Variants in ELFN2 observed in about 807,000 individuals in gnomAD.
ELFN2 encodes the protein extracellular leucine rich repeat and fibronectin type III domain containing 2.
Under a neutral mutation model 45.5 loss-of-function variants are expected in ELFN2, and 17 were observed. That is an observed-to-expected ratio of 0.37 (90% CI 0.26 to 0.56). ELFN2 has a LOEUF of 0.56. Ranked by LOEUF, ELFN2 falls within the 20% of genes least tolerant of loss-of-function variation. The pLI, the probability that ELFN2 is intolerant of heterozygous loss-of-function variation, is 0.77. For missense variants in ELFN2, 922 were observed against 1,183.2 expected, an observed-to-expected ratio of 0.78 and a Z score of 3.24; for synonymous variants, 550 against 551.5, an observed-to-expected ratio of 1.00 and a Z score of 0.04.
At chr22:37,362,220 C>T (rs1031144755) in intron 1 of ELFN2, among the ~76,000 whole-genome samples, 2 of 152,206 alleles carry the variant, frequency 1.3e-5, no homozygotes, top group African/African-American at 4.8e-5. Flanking sequence ...CAGAGCAGAC[C>T]CTTCTCACAT....
intron 2 of ELFN2, among the ~76,000 whole-genome samples, chr22:37,399,597 A>G (rs1348104473): frequency 8.6e-4 from 108 of 125,638 alleles, no homozygotes; most frequent in Middle Eastern, 3.7e-3. Context: ...GGGGACCACC[A>G]GCCCACCTCT....
rs1466676014 is a variant in ELFN2, at chr22:37,417,135, T to C, written c.-463+634A>G. ...GTGACAGCCCCAGCCTCTCCTCTCCTCTCCTCTCCAGGGCAGCCACCAGCC... is the reference window on the plus strand; with the variant it reads ...GTGACAGCCCCAGCCTCTCCTCTCCCCTCCTCTCCAGGGCAGCCACCAGCC... On this transcript the variant is annotated intron_variant, in intron 2 of 2. Coordinates refer to ENST00000402918, the MANE Select transcript of ELFN2 (RefSeq NM_052906.5). This position sits in a 1 kb window ranked among gnomAD's most constrained non-coding sequence, Gnocchi z 4.5. Among the ~76,000 whole-genome samples the C allele has an allele frequency of 2.0e-5, 3 of 150,882 alleles. No homozygotes were observed. Among genetic ancestry groups the C allele is most frequent in the African/African-American group, 4.9e-5 (2 of 41,110 alleles).
intron 1 of ELFN2, among the ~76,000 whole-genome samples, chr22:37,422,206 A>G (rs1932813786): frequency 6.6e-6 from 1 of 152,080 alleles, no homozygotes; most frequent in African/African-American, 2.4e-5. Context: ...AAACAGACAC[A>G]TGCATGCACA....
chr22:37,404,656 C>A (rs1160278522), intron 2 of ELFN2, among the ~76,000 whole-genome samples: 1 of 152,126 alleles, frequency 6.6e-6, no homozygotes, highest in African/African-American at 2.4e-5. Context: ...ACTCAGGCAT[C>A]CCTTGCACAC....
At position 37,370,868 on chromosome 22, in the gene ELFN2, A is replaced by G. The variant is rs1931346500; in HGVS notation, c.*2204T>C. ...GACAGATGTTTGCTCAGAAAAATAC[A>G]GTAAAATCGTCATGCAAATATAACA... On this transcript the variant is annotated 3_prime_UTR_variant, in exon 3 of 3. Transcript: ENST00000402918. The G allele has an allele frequency of 6.6e-6, 1 of 152,058 alleles. No individual in the cohort carries two copies. The highest frequency in any genetic ancestry group is 1.5e-5 in the Non-Finnish European group (1 of 67,980). The allele number at this position is 152,058 out of a possible 1,614,324, so 9.4% of individuals were successfully genotyped here.
chr22:37,354,004 A>ACGACCCAAATGTCCTCC (rs1358554959), intron 1 of ELFN2: 2 of 152,254 alleles, frequency 1.3e-5, no homozygotes, highest in African/African-American at 2.4e-5. Flanking sequence ...CAAACGGGAA[A>ACGACCCAAATGTCCTCC]CGACCCAAAT....
chr22:37,399,743 C>T (rs552558517), intron 2 of ELFN2, among the ~76,000 whole-genome samples: 18 of 152,228 alleles, frequency 1.2e-4, no homozygotes, highest in South Asian at 1.0e-3. Context: ...CTGCCCTCAC[C>T]GGCTGCTGGC....
chr22:37,375,105 G>C lies in ELFN2; in HGVS notation c.430C>G (p.Pro144Ala). The change falls in exon 3 of 3, where the codon CCC becomes GCC. Residue 144 changes from proline (P) to alanine (A), a missense_variant. By Grantham distance (27) the Pro-to-Ala change is conservative. Transcript: ENST00000402918. The part of the protein sequence containing the change: ...VQHNLIEVVT[P>A]TAFSECPSLI... ...CTCGGGCACTCGGAGAAGGCGGTGG[G>C]CGTCACCACCTCGATGAGGTTGTGC... 6.2e-7 allele frequency: 1 copy of C among 1,613,720 alleles called. No homozygotes were observed. The highest frequency in any genetic ancestry group is 1.6e-4 in the Middle Eastern group (1 of 6,062).
intron 2 of ELFN2, among the ~76,000 whole-genome samples, chr22:37,412,789 T>C (rs1932679833): frequency 6.6e-6 from 1 of 152,176 alleles, no homozygotes; most frequent in Non-Finnish European, 1.5e-5. Context: ...TGTCTGTCCC[T>C]TCCACAGCCC....
chr22:37,386,200 G>T (rs939865976), intron 2 of ELFN2, among the ~76,000 whole-genome samples: 9 of 152,180 alleles, frequency 5.9e-5, no homozygotes, highest in Non-Finnish European at 8.8e-5. Context: ...CCTAGGTGCT[G>T]TTTCCAAGCA....
At chr22:37,342,873 G>T (rs1435231685) in intron 1 of ELFN2, among the ~76,000 whole-genome samples, 1 of 152,158 alleles carries the variant, frequency 6.6e-6, no homozygotes, top group Non-Finnish European at 1.5e-5. Context: ...GCCCAGACAG[G>T]TAGATCTGTT....
chr22:37,342,054 C>A (rs1417742592), intron 2 of ELFN2, among the ~76,000 whole-genome samples: 1 of 152,054 alleles, frequency 6.6e-6, no homozygotes, highest in African/African-American at 2.4e-5. Context: ...GTGTTAGTCA[C>A]CCCAACCTGT....
At chr22:37,359,388 C>G (rs1200245961) in intron 1 of ELFN2, among the ~76,000 whole-genome samples, 1 of 152,144 alleles carries the variant, frequency 6.6e-6, no homozygotes, top group Non-Finnish European at 1.5e-5. Flanking sequence ...TGCCACTCCC[C>G]TCTTCCTTTA....
At chr22:37,381,244 C>A (rs1376744380) in intron 2 of ELFN2, among the ~76,000 whole-genome samples, 1 of 152,186 alleles carries the variant, frequency 6.6e-6, no homozygotes, top group Non-Finnish European at 1.5e-5. Context: ...TCTCTCCTCC[C>A]CGGCTTCCCT....
At position 37,345,547 on chromosome 22, in the gene ELFN2, C is replaced by CT. The variant is rs3041585; in HGVS notation, n.149-2845dup. Among the ~76,000 whole-genome samples, 760 of 134,910 alleles carry CT rather than the reference C, an allele frequency of 5.6e-3. 6 individuals carry two copies. The highest frequency in any genetic ancestry group is 9.5e-3 in the Admixed American group (131 of 13,782). 88.5% of individuals were successfully genotyped at this position (134,910 alleles called of 152,430 possible). On this transcript the variant is annotated intron_variant and non_coding_transcript_variant, in intron 1 of 2. Transcript: ENST00000452946. ...CCTTGTTTTTTGTTTTTGTTGTTGTCTTTTTTTTTTTTTTTTTTGAGACGA... is the reference window on the plus strand; with the variant it reads ...CCTTGTTTTTTGTTTTTGTTGTTGTCTTTTTTTTTTTTTTTTTTTGAGACGA...
Position 37,373,438 on chromosome 22 carries a change from C to T in ELFN2, c.2097G>A (p.Val699=). 1 of 1,550,796 alleles carries T rather than the reference C, an allele frequency of 6.4e-7. No homozygotes were observed. The stretch of plus-strand genomic sequence containing the variant: ...GCTCGCTGCAGTGGTAGGCCGGCTT[C>T]ACCTCCAGGTGGTGGATGCCCCCGC... The part of the protein sequence containing the change: ...GGGGGIHHLE[V]KPAYHCSEHR... The change falls in exon 3 of 3, where the codon GTG becomes GTA. Residue 699 remains valine (V), a synonymous_variant. Coordinates refer to ENST00000402918, the MANE Select transcript of ELFN2 (RefSeq NM_052906.5).
chr22:37,347,024 G>A (rs1930714072), intron 1 of ELFN2, among the ~76,000 whole-genome samples: 1 of 152,004 alleles, frequency 6.6e-6, no homozygotes, highest in Non-Finnish European at 1.5e-5. Flanking sequence ...TGCTGCCCAG[G>A]CTGGAGTGCA....
intron 2 of ELFN2, among the ~76,000 whole-genome samples, chr22:37,407,022 G>A (rs1343836019): frequency 6.6e-6 from 1 of 152,248 alleles, no homozygotes; most frequent in East Asian, 1.9e-4. Flanking sequence ...CCATGGCCTT[G>A]GCCAAGAGGA....
At chr22:37,361,734 T>C (rs144353201) in intron 1 of ELFN2, among the ~76,000 whole-genome samples, 126 of 152,278 alleles carry the variant, frequency 8.3e-4, no homozygotes, top group African/African-American at 2.8e-3. Context: ...TGAAAAGTTC[T>C]CCATTCAGCT....
Sources: gnomAD v4.1 joint callset for allele counts (sites outside exome capture counted in the v4.1 genomes callset) on GRCh38, gnomAD v4.1.1 for gene constraint, Gnocchi (gnomAD v3.1) non-coding constraint, MANE v1.5 for transcripts, NCBI Gene and HGNC (gene_info 2026-07-23, HGNC 2026-07-21) for gene names.